HERC5: variants seen among roughly 807,000 people sequenced by gnomAD.
HERC5 encodes the protein HECT and RLD domain containing E3 ubiquitin protein ligase 5, also known as E3 ISG15--protein ligase HERC5.
A neutral mutation model predicts 119.6 loss-of-function variants in HERC5; 99 were observed. The ratio of observed to expected loss-of-function variants is 0.83; its 90% confidence interval spans 0.70 to 0.98. The LOEUF is 0.98. Ranked by LOEUF, HERC5 falls within the 50% of genes least tolerant of loss-of-function variation. The probability of loss-of-function intolerance (pLI) is 0.00; values close to 1 mark genes in which losing one functional copy is unlikely to be tolerated. For missense variants in HERC5, 1,267 were observed against 1,241.3 expected, an observed-to-expected ratio of 1.02 and a Z score of -0.31; for synonymous variants, 478 against 445.9, an observed-to-expected ratio of 1.07 and a Z score of -0.91.
At chr4:88,467,517 C>T (rs1400996263) in intron 7 of HERC5, among the ~76,000 whole-genome samples, 1 of 152,234 alleles carries the variant, frequency 6.6e-6, no homozygotes, top group Non-Finnish European at 1.5e-5. Flanking sequence ...TAGTTGTTTA[C>T]TAATTCTTGT....
chr4:88,457,480 G>T lies in HERC5; in HGVS notation c.211G>T (p.Ala71Ser). The T allele has an allele frequency of 7.6e-7, 1 of 1,323,514 alleles. No homozygotes were observed. Among genetic ancestry groups the T allele is most frequent in the South Asian group, 2.2e-5 (1 of 46,434 alleles). The allele number at this position is 1,323,514 out of a possible 1,614,324, so 82.0% of individuals were successfully genotyped here. A position where few individuals can be genotyped will look rare whatever the true frequency, so the allele number is the denominator to read the frequency against. ...CCTCGCGGTCTTGGAACGCGGCGGG[G>T]CGGGCGTCCAGGTTCACCAGCTGCT... is the stretch of plus-strand genomic sequence containing the variant. ...GRLAVLERGG[A>S]GVQVHQLLAG... is the part of the protein sequence containing the mutation. Residue 71 changes from alanine (A) to serine (S), a missense_variant, in exon 1 of 23, where the codon GCG (alanine) becomes TCG (serine). Coordinates refer to ENST00000264350, the MANE Select transcript of HERC5 (RefSeq NM_016323.4).
At position 88,505,899 on chromosome 4, in the gene HERC5, C is replaced by T. The variant is rs773271841; in HGVS notation, c.*21C>T. ...GCTGACCAGCTTGCTTGTCCAACAG[C>T]CTTATTTTGTTGTTGTTATCGTTGT... On this transcript the variant is annotated 3_prime_UTR_variant, in exon 23 of 23. Transcript: ENST00000264350. 4 of 1,561,006 alleles carry T rather than the reference C, an allele frequency of 2.6e-6. No homozygotes were observed. The highest frequency in any genetic ancestry group is 1.4e-5 in the African/African-American group (1 of 72,956).
chr4:88,484,298 T>TCTTC (rs1213840622), intron 13 of HERC5, among the ~76,000 whole-genome samples: 1 of 152,230 alleles, frequency 6.6e-6, no homozygotes, highest in Admixed American at 6.5e-5. Context: ...TTTCTGCTAA[T>TCTTC]CTTCCTCCTG....
At position 88,498,818 on chromosome 4, in the gene HERC5, G is replaced by A. The variant is rs1228079737; in HGVS notation, c.2445-1108G>A. On this transcript the variant is annotated intron_variant, in intron 18 of 22. Transcript: ENST00000264350. ...ACTCTTGACCTCAAGTGATCCACCC[G>A]CCTCGGCCTCCCAAATTGCTGGGAT... Among the ~76,000 whole-genome samples the A allele has an allele frequency of 7.9e-5, 12 of 152,252 alleles. No homozygotes were observed. In the South Asian group the frequency reaches 1.2e-3, roughly 16 times the overall value.
At chr4:88,483,908 C>G (rs1164967408) in intron 13 of HERC5, among the ~76,000 whole-genome samples, 2 of 152,158 alleles carry the variant, frequency 1.3e-5, no homozygotes, top group African/African-American at 4.8e-5. Flanking sequence ...CATTTTAAAT[C>G]TAAATGAATA....
At position 88,470,906 on chromosome 4, in the gene HERC5, T is replaced by G. The variant is rs1247757705; in HGVS notation, c.1298+233T>G. 3.3e-5 allele frequency among the ~76,000 whole-genome samples: 5 copies of G among 152,050 alleles called. No homozygotes were observed. In the East Asian group the frequency reaches 9.6e-4, roughly 29 times the overall value. ...GAGTAATAGCTAGCACTTACGTATA[T>G]GATTATATTTTTTCATGCAAATGTA... On this transcript the variant is annotated intron_variant, in intron 10 of 22. Transcript: ENST00000264350.
At chr4:88,478,101 G>A (rs1741146276) in intron 12 of HERC5, among the ~76,000 whole-genome samples, 1 of 152,098 alleles carries the variant, frequency 6.6e-6, no homozygotes, top group African/African-American at 2.4e-5. Flanking sequence ...ATTATTAGTA[G>A]TATTTTTTAA....
chr4:88,488,238 T>C (rs1464736441), intron 15 of HERC5, among the ~76,000 whole-genome samples: 1 of 150,604 alleles, frequency 6.6e-6, no homozygotes, highest in East Asian at 1.9e-4. Flanking sequence ...TTTTTTCTTT[T>C]TTTTTTTTTT....
chr4:88,474,309 C>T (rs1160104217), intron 11 of HERC5, among the ~76,000 whole-genome samples: 1 of 152,106 alleles, frequency 6.6e-6, no homozygotes, highest in Non-Finnish European at 1.5e-5. Flanking sequence ...AAACAAGTTG[C>T]CCAGAGGAAT....
rs532041831 is a variant in HERC5, at chr4:88,459,391, C to T, written c.310C>T (p.Gln104Ter). Residue 104 changes from glutamine (Q) to a stop codon, truncating the protein, a stop_gained, in exon 2 of 23, where the codon CAA becomes TAA. Coordinates refer to ENST00000264350, the MANE Select transcript of HERC5 (RefSeq NM_016323.4). LOFTEE classifies it high-confidence loss of function. ...AAACATGAAGATACATTCCGTGGAC[C>T]AAGGAGCAGAGCACATGCTGATTCT... ...GKNMKIHSVD[Q>*]GAEHMLILSS... The T allele has an allele frequency of 6.3e-7, 1 of 1,595,456 alleles. No individual in the cohort carries two copies. The highest frequency in any genetic ancestry group is 2.3e-5 in the East Asian group (1 of 44,066).
intron 8 of HERC5, among the ~76,000 whole-genome samples, 191 bp from the exon 9 acceptor site, chr4:88,468,966 C>T (rs1157649066): frequency 6.6e-6 from 1 of 152,072 alleles, no homozygotes; most frequent in Middle Eastern, 3.2e-3. Context: ...AGTCTAAGCC[C>T]CCTTGGACAA....
At chr4:88,458,369 AT>A (rs1471145847) in intron 1 of HERC5, among the ~76,000 whole-genome samples, 3 of 151,828 alleles carry the variant, frequency 2.0e-5, no homozygotes, top group Non-Finnish European at 4.4e-5. Context: ...GTTTTAAAAA[AT>A]GTACTCATTT....
chr4:88,468,462 T>C (rs1213099767), intron 8 of HERC5, 40 bp downstream of exon 8: 1 of 1,346,028 alleles, frequency 7.4e-7, no homozygotes, highest in African/African-American at 1.5e-5. Context: ...CCTGGTATTT[T>C]AAGCAAAACT....
At chr4:88,467,981 C>T in intron 7 of HERC5, 1 of 604,520 alleles carries the variant, frequency 1.7e-6, no homozygotes, top group Non-Finnish European at 2.1e-6. Context: ...GCTTAAAGTA[C>T]TTATATTCTT....
At chr4:88,473,781 T>C (rs1335239220) in intron 11 of HERC5, 1 of 152,214 alleles carries the variant, frequency 6.6e-6, no homozygotes, top group African/African-American at 2.4e-5. Flanking sequence ...TTACCAAAAA[T>C]AGAAGCCCTT....
intron 18 of HERC5, among the ~76,000 whole-genome samples, chr4:88,497,414 G>A (rs1741830152): frequency 6.6e-6 from 1 of 152,192 alleles, no homozygotes; most frequent in Admixed American, 6.5e-5. Flanking sequence ...AGATGGAAGT[G>A]AGGAACACAT....
At chr4:88,476,542 A>G (rs1210529535) in intron 12 of HERC5, among the ~76,000 whole-genome samples, 1 of 152,234 alleles carries the variant, frequency 6.6e-6, no homozygotes, top group Admixed American at 6.5e-5. Flanking sequence ...GTTTATGTAC[A>G]GATTACATTT....
chr4:88,457,574 G>C, intron 1 of HERC5, 40 bp downstream of exon 1: 1 of 1,244,002 alleles, frequency 8.0e-7, no homozygotes, highest in East Asian at 3.1e-5. Context: ...AGGGCTGTGA[G>C]GGGTGAGGGC....
intron 12 of HERC5, among the ~76,000 whole-genome samples, chr4:88,478,279 A>G (rs1487748838): frequency 6.6e-6 from 1 of 152,234 alleles, no homozygotes; most frequent in Non-Finnish European, 1.5e-5. Context: ...TTTTGTAATT[A>G]TAATATATAC....
Sources: allele counts gnomAD v4.1 joint callset (sites outside exome capture counted in the v4.1 genomes callset), GRCh38; gene constraint gnomAD v4.1.1; transcripts MANE v1.5; gene names NCBI Gene and HGNC (gene_info 2026-07-23, HGNC 2026-07-21).